The following PHF21A variants were observed in gnomAD, a reference collection of about 807,000 sequenced individuals.
PHF21A encodes the protein BHC80a.
PHF21A carries 11 observed loss-of-function variants against 82.5 expected under a neutral mutation model. The observed-to-expected ratio is 0.13, with a 90% CI of 0.08 to 0.22. The LOEUF (loss-of-function observed/expected upper bound fraction) is 0.22. Ranked by LOEUF, PHF21A falls within the 10% of genes least tolerant of loss-of-function variation. PHF21A has a pLI of 1.00. For synonymous variants in PHF21A, 297 were observed against 302.8 expected, an observed-to-expected ratio of 0.98 and a Z score of 0.20; for missense variants, 579 against 837.8, an observed-to-expected ratio of 0.69 and a Z score of 3.81.
chr11:46,017,106 G>T (rs1187982906), intron 6 of PHF21A, among the ~76,000 whole-genome samples: 1 of 152,050 alleles, frequency 6.6e-6, no homozygotes, highest in Non-Finnish European at 1.5e-5. Context: ...GAGTTGCTGG[G>T]ATTACAGGCA....
At chr11:46,097,894 A>G (rs1167002271) in intron 1 of PHF21A, among the ~76,000 whole-genome samples, 1 of 152,182 alleles carries the variant, frequency 6.6e-6, no homozygotes, top group African/African-American at 2.4e-5. Flanking sequence ...CTAGATCAGG[A>G]TAACACATAA....
At position 46,065,718 on chromosome 11, in the gene PHF21A, T is replaced by C. The variant is rs570702945; in HGVS notation, c.153+11036A>G. Among the ~76,000 whole-genome samples, 3 of 152,342 alleles carry C rather than the reference T, an allele frequency of 2.0e-5. No homozygotes were observed. In the East Asian group the frequency reaches 5.8e-4, roughly 29 times the overall value. On this transcript the variant is annotated intron_variant, in intron 6 of 18. Coordinates refer to ENST00000676320, the MANE Select transcript of PHF21A (RefSeq NM_001352027.3). ...GACTAGCACAGCCAGGACTAGAATT[T>C]ACTCCTTTTCTTTAACAAAAGTTGT...
intron 1 of PHF21A, among the ~76,000 whole-genome samples, chr11:46,114,559 G>A (rs1209786965): frequency 1.3e-5 from 2 of 152,056 alleles, no homozygotes; most frequent in Middle Eastern, 3.2e-3. Context: ...TTGAAGCTTC[G>A]TCAATACAAC....
At chr11:46,101,917 G>T (rs2097101533) in intron 1 of PHF21A, among the ~76,000 whole-genome samples, 1 of 151,548 alleles carries the variant, frequency 6.6e-6, no homozygotes. Flanking sequence ...GGAAGCAGTG[G>T]CGCAATCTCG....
chr11:45,950,765 G>A (rs910993001), intron 11 of PHF21A, among the ~76,000 whole-genome samples: 1 of 152,158 alleles, frequency 6.6e-6, no homozygotes, highest in Non-Finnish European at 1.5e-5. Context: ...TTAAAAAGAA[G>A]AGGATTTCAT....
rs1555191390 is a variant in PHF21A, at chr11:46,099,560, A to ACCCACC, written c.-236-7338_-236-7337insGGTGGG. On this transcript the variant is annotated intron_variant, in intron 1 of 18. Transcript: ENST00000676320. The stretch of plus-strand genomic sequence containing the variant: ...CACACACACACACACACACACACAC[A>ACCCACC]CACCCTAAACACAAACACAAACACA... Among the ~76,000 whole-genome samples, 281 of 146,062 alleles carry ACCCACC rather than the reference A, an allele frequency of 1.9e-3. 4 individuals are homozygous for ACCCACC. Among genetic ancestry groups the ACCCACC allele is most frequent in the African/African-American group, 5.0e-3 (203 of 40,392 alleles).
At chr11:46,062,591 T>C (rs2096548624) in intron 6 of PHF21A, among the ~76,000 whole-genome samples, 1 of 152,180 alleles carries the variant, frequency 6.6e-6, no homozygotes, top group Non-Finnish European at 1.5e-5. Context: ...TCCCTTCCAA[T>C]TCTCTTGGCC....
chr11:46,111,815 T>C (rs4237661), intron 1 of PHF21A, among the ~76,000 whole-genome samples: 137,320 of 152,244 alleles, frequency 0.9, 62,094 homozygotes, highest in East Asian at 1. Flanking sequence ...TTAAGATTTT[T>C]TGAAACTACA....
intron 10 of PHF21A, among the ~76,000 whole-genome samples, chr11:45,954,183 G>C (rs1031987899): frequency 6.6e-6 from 1 of 152,096 alleles, no homozygotes; most frequent in Non-Finnish European, 1.5e-5. Flanking sequence ...TAGTAGTAGA[G>C]ACGGGGTTTC....
intron 11 of PHF21A, 81 bp downstream of exon 11, chr11:45,953,446 A>G (rs890378946): frequency 2.5e-6 from 2 of 808,184 alleles, no homozygotes; most frequent in South Asian, 1.4e-5. Flanking sequence ...TTCATCATTC[A>G]GAGAGCAGGT....
chr11:46,024,098 A>C (rs1006725613), intron 6 of PHF21A, among the ~76,000 whole-genome samples: 1 of 152,236 alleles, frequency 6.6e-6, no homozygotes, highest in Non-Finnish European at 1.5e-5. Context: ...GGAAAGGGCA[A>C]GGTGGTGTCT....
At chr11:46,077,193 T>C (rs2096736470) in intron 5 of PHF21A, among the ~76,000 whole-genome samples, 1 of 152,240 alleles carries the variant, frequency 6.6e-6, no homozygotes, top group South Asian at 2.1e-4. Flanking sequence ...AGGTTATAAG[T>C]ATGCACACAC....
At chr11:46,058,523 G>A (rs1387924677) in intron 6 of PHF21A, among the ~76,000 whole-genome samples, 1 of 152,198 alleles carries the variant, frequency 6.6e-6, no homozygotes, top group Non-Finnish European at 1.5e-5. Context: ...CAAATGAATT[G>A]AGGTTTAAAA....
chr11:45,930,062 G>C lies in PHF21A; in HGVS notation c.*3906C>G, dbSNP rs1175730254. 1 of 152,226 alleles carries C rather than the reference G, an allele frequency of 6.6e-6. No homozygotes were observed. The highest frequency in any genetic ancestry group is 1.5e-5 in the Non-Finnish European group (1 of 68,056). The allele number at this position is 152,226 out of a possible 1,614,324, so 9.4% of individuals were successfully genotyped here. On this transcript the variant is annotated 3_prime_UTR_variant, in exon 19 of 19. Coordinates refer to ENST00000676320, the MANE Select transcript of PHF21A (RefSeq NM_001352027.3). ...TTACCCTAAGAGCCTTTTGCCCCTG[G>C]GTAAAAAGTCTCCTAAATTCAGCCC... is the stretch of plus-strand genomic sequence containing the variant.
chr11:46,114,933 A>G (rs1391519135), intron 1 of PHF21A, among the ~76,000 whole-genome samples: 2 of 152,132 alleles, frequency 1.3e-5, no homozygotes, highest in African/African-American at 4.8e-5. Context: ...CTAGGCCCAC[A>G]AACAGAGTCA....
In PHF21A at chr11:46,010,151, T is replaced by A. The variant is rs1300831780; in HGVS notation, c.154-30185A>T. 2.0e-5 allele frequency among the ~76,000 whole-genome samples: 3 copies of A among 152,152 alleles called. No homozygotes were observed. The East Asian group carries it at 5.8e-4, about 29-fold the overall frequency. On this transcript the variant is annotated intron_variant, in intron 6 of 18. Transcript: ENST00000676320. ...AGAACAATCATTTAAAGACAAAAAC[T>A]AAAGCTCTCTCCTGATATACACTCA...
At chr11:45,994,236 G>A (rs2094825302) in intron 6 of PHF21A, among the ~76,000 whole-genome samples, 1 of 152,030 alleles carries the variant, frequency 6.6e-6, no homozygotes, top group African/African-American at 2.4e-5. Context: ...GGCTCTGGTG[G>A]GTTTTTAAAG....
intron 14 of PHF21A, among the ~76,000 whole-genome samples, chr11:45,948,215 T>C (rs951828145): frequency 3.3e-5 from 5 of 152,226 alleles, no homozygotes; most frequent in Admixed American, 3.3e-4. Flanking sequence ...AAGACCTATT[T>C]AGACTTGCAT....
intron 1 of PHF21A, among the ~76,000 whole-genome samples, chr11:46,113,125 T>C (rs1305122036): frequency 6.6e-6 from 1 of 152,242 alleles, no homozygotes; most frequent in Admixed American, 6.5e-5. Flanking sequence ...TTTTCCGTAC[T>C]GTTTAAATCA....
Sources: allele counts gnomAD v4.1 joint callset (sites outside exome capture counted in the v4.1 genomes callset), GRCh38; gene constraint gnomAD v4.1.1; transcripts MANE v1.5; gene names NCBI Gene and HGNC (gene_info 2026-07-23, HGNC 2026-07-21).